PICALM: variants seen among roughly 807,000 people sequenced by gnomAD.
PICALM encodes the protein phosphatidylinositol-binding clathrin assembly protein.
PICALM carries 40 observed loss-of-function variants against 80.5 expected under a neutral mutation model. The observed-to-expected ratio is 0.50, with a 90% CI of 0.39 to 0.65. The LOEUF (loss-of-function observed/expected upper bound fraction) is 0.65, where lower values mean the gene tolerates loss of function less well. Among genes scored for constraint, PICALM ranks in the 30% least tolerant of loss-of-function variants. The pLI, the probability that PICALM is intolerant of heterozygous loss-of-function variation, is 0.00. For missense variants in PICALM, 676 were observed against 778.9 expected, an observed-to-expected ratio of 0.87 and a Z score of 1.57; for synonymous variants, 288 against 260.3, an observed-to-expected ratio of 1.11 and a Z score of -1.02.
intron 1 of PICALM, among the ~76,000 whole-genome samples, chr11:86,036,593 TA>T (rs943513546): frequency 6.6e-6 from 1 of 152,162 alleles, no homozygotes; most frequent in African/African-American, 2.4e-5. Context: ...TTTAGAACAA[TA>T]CTAATGAAGC....
At chr11:86,069,085 G>C, upstream of PICALM, 1 of 324,588 alleles carries the variant, frequency 3.1e-6, no homozygotes, top group East Asian at 5.0e-5. Context: ...GGAAAATGGC[G>C]GCGCCAGGCT....
At chr11:85,987,486 G>T (rs2094609006) in intron 13 of PICALM, among the ~76,000 whole-genome samples, 1 of 151,896 alleles carries the variant, frequency 6.6e-6, no homozygotes, top group African/African-American at 2.4e-5. Flanking sequence ...GCTAATATTA[G>T]ACCAAAAAAA....
chr11:86,026,336 G>A lies in PICALM; in HGVS notation c.305C>T (p.Thr102Met). The A allele has an allele frequency of 6.2e-7, 1 of 1,603,330 alleles. No individual in the cohort carries two copies. Among genetic ancestry groups the A allele is most frequent in the Non-Finnish European group, 8.5e-7 (1 of 1,172,636 alleles). The change falls in exon 3 of 20, where the codon ACG becomes ATG. Residue 102 changes from threonine to methionine, a missense_variant. Thr to Met is a moderately conservative substitution (Grantham distance 81, BLOSUM62 -1). This residue lies in a region of PICALM where 285 missense variants were observed against 395.4 expected (regional missense o/e 0.72). Coordinates refer to ENST00000393346, the MANE Select transcript of PICALM (RefSeq NM_007166.4). ...RFIQYLASRN[T>M]LFNLSNFLDK... ...CAAAAAATTGCTTAAGTTAAACAAC[G>A]TGTTTCTTGAAGCCAAATACTGAAT...
Position 86,031,534 on chromosome 11 carries a change from T to A in PICALM, c.208A>T (p.Ser70Cys). The A allele has an allele frequency of 1.2e-6, 2 of 1,611,696 alleles. No individual in the cohort carries two copies. Among genetic ancestry groups the A allele is most frequent in the Non-Finnish European group, 1.7e-6 (2 of 1,178,312 alleles). ...GATTTGAAGACCACCACCCAACTAC[T>A]ATTAGTAGTTCTTTCAAATAAACTG... ...ADSLFERTTNSSWVVVFKSLI... is the reference protein window; with the variant it reads ...ADSLFERTTNCSWVVVFKSLI... The change falls in exon 2 of 20, where the codon AGT (serine) becomes TGT (cysteine). Residue 70 changes from serine to cysteine, a missense_variant. Physicochemically the swap from Ser to Cys is moderately radical, Grantham distance 112. This residue lies in a region of PICALM where 285 missense variants were observed against 395.4 expected (regional missense o/e 0.72). Coordinates refer to ENST00000393346, the MANE Select transcript of PICALM (RefSeq NM_007166.4).
At chr11:86,004,427 T>C (rs2095232352) in intron 8 of PICALM, among the ~76,000 whole-genome samples, 1 of 152,086 alleles carries the variant, frequency 6.6e-6, no homozygotes, top group Admixed American at 6.6e-5. Context: ...GGCATAAGGA[T>C]TGGGGAAATA....
At chr11:85,973,523 ATC>A (rs1257909546) in intron 19 of PICALM, among the ~76,000 whole-genome samples, 4 of 152,128 alleles carry the variant, frequency 2.6e-5, no homozygotes, top group Admixed American at 2.0e-4. Flanking sequence ...ATTATTATTA[ATC>A]TCTTACTGTA....
intron 3 of PICALM, among the ~76,000 whole-genome samples, chr11:86,025,757 C>A (rs763657996): frequency 2.6e-5 from 4 of 151,978 alleles, no homozygotes; most frequent in Non-Finnish European, 4.4e-5. Context: ...CGGGGTTTCA[C>A]CATGTTGGCC....
At chr11:86,020,701 C>A (rs1156278018) in intron 4 of PICALM, among the ~76,000 whole-genome samples, 1 of 152,154 alleles carries the variant, frequency 6.6e-6, no homozygotes, top group Non-Finnish European at 1.5e-5. Flanking sequence ...TAAATTTGGA[C>A]TCACCTCTCA....
chr11:86,004,541 T>C (rs2095235924), intron 8 of PICALM, among the ~76,000 whole-genome samples: 1 of 152,112 alleles, frequency 6.6e-6, no homozygotes, highest in South Asian at 2.1e-4. Flanking sequence ...AGACTAATTT[T>C]AAACTCAGGC....
At chr11:85,979,377 C>A (rs1317542103) in intron 17 of PICALM, among the ~76,000 whole-genome samples, 2 of 151,756 alleles carry the variant, frequency 1.3e-5, no homozygotes, top group African/African-American at 4.8e-5. Flanking sequence ...GTAATCCCAG[C>A]TACTCGGGAG....
intron 6 of PICALM, 67 bp from the exon 7 acceptor site, chr11:86,011,203 A>T (rs903087066): frequency 2.6e-5 from 18 of 686,768 alleles, no homozygotes; most frequent in Non-Finnish European, 4.0e-5. Context: ...AGGAAAAAAA[A>T]AGTAGGTAAT....
At chr11:85,997,826 A>C (rs944261079) in intron 11 of PICALM, among the ~76,000 whole-genome samples, 26 of 151,990 alleles carry the variant, frequency 1.7e-4, no homozygotes, top group Non-Finnish European at 3.5e-4. Context: ...TCTGTTGTCC[A>C]GGCTGGAGTG....
At chr11:86,040,559 T>G (rs1316244605) in intron 1 of PICALM, among the ~76,000 whole-genome samples, 2 of 152,178 alleles carry the variant, frequency 1.3e-5, no homozygotes, top group African/African-American at 4.8e-5. Context: ...GTTTCAATAT[T>G]ATGAGGCTGA....
intron 2 of PICALM, among the ~76,000 whole-genome samples, chr11:86,027,801 A>G (rs2095673991): frequency 6.6e-6 from 1 of 152,164 alleles, no homozygotes; most frequent in Non-Finnish European, 1.5e-5. Context: ...GATTATAGGT[A>G]TGAGAAACTG....
At chr11:86,036,959 T>C (rs1203743365) in intron 1 of PICALM, among the ~76,000 whole-genome samples, 2 of 44,420 alleles carry the variant, frequency 4.5e-5, no homozygotes, top group Admixed American at 1.8e-4. Context: ...AAAAAAAAAT[T>C]TTTTTTGAGA....
At chr11:85,980,387 T>G (rs569444318) in intron 17 of PICALM, among the ~76,000 whole-genome samples, 1 of 152,304 alleles carries the variant, frequency 6.6e-6, no homozygotes, top group South Asian at 2.1e-4. Context: ...ATTTCCTCTT[T>G]CATAAAATAA....
At chr11:86,056,145 A>AAAAAAAAAG (rs530495065) in intron 1 of PICALM, among the ~76,000 whole-genome samples, 4 of 147,828 alleles carry the variant, frequency 2.7e-5, no homozygotes, top group African/African-American at 5.1e-5. Context: ...TAAAAAAAAA[A>AAAAAAAAAG]AAAAAGAAAA....
At chr11:85,997,264 TA>T (rs2094997506) in intron 11 of PICALM, among the ~76,000 whole-genome samples, 1 of 152,216 alleles carries the variant, frequency 6.6e-6, no homozygotes, top group Admixed American at 6.5e-5. Context: ...ACAGCAATTT[TA>T]ATATTTTTAA....
chr11:86,022,967 C>T (rs676733), intron 3 of PICALM, among the ~76,000 whole-genome samples: 108,012 of 151,970 alleles, frequency 0.71, 38,864 homozygotes, highest in African/African-American at 0.84. Context: ...GAAATGGCAA[C>T]ATGCAAGTTC....
Sources: gnomAD v4.1 joint callset for allele counts (sites outside exome capture counted in the v4.1 genomes callset) on GRCh38, gnomAD v4.1.1 for gene constraint, gnomAD v4.1.1 regional missense constraint, MANE v1.5 for transcripts, NCBI Gene and HGNC (gene_info 2026-07-23, HGNC 2026-07-21) for gene names.